The following SDC3 variants were observed in gnomAD, a reference collection of about 807,000 sequenced individuals.
SDC3 encodes the protein syndecan-3.
In SDC3, 13 loss-of-function variants were observed where a neutral mutation model predicts 24.4. The ratio of observed to expected loss-of-function variants is 0.53; its 90% CI spans 0.35 to 0.85. SDC3 has a LOEUF of 0.85. Ranked by LOEUF, SDC3 falls within the 40% of genes least tolerant of loss-of-function variation. The pLI, the probability that SDC3 is intolerant of heterozygous loss-of-function variation, is 0.01. For synonymous variants in SDC3, 295 were observed against 260.9 expected (o/e 1.13, Z -1.26); for missense variants, 571 against 584.5 (o/e 0.98, Z 0.24).
chr1:30,905,993 G>C (rs1638512888), intron 1 of SDC3, among the ~76,000 whole-genome samples: 1 of 134,666 alleles, frequency 7.4e-6, no homozygotes, highest in Non-Finnish European at 1.6e-5. Context: ...ACACACAAAG[G>C]CTGGCAGGTG....
At position 30,869,790 on chromosome 1, in the gene SDC3, G is replaced by T; in HGVS notation, c.*3421C>A. 1 of 398,688 alleles carries T rather than the reference G, an allele frequency of 2.5e-6. No individual in the cohort carries two copies. The highest frequency in any genetic ancestry group is 3.6e-5 in the East Asian group (1 of 28,064). 24.7% of individuals were successfully genotyped at this position (398,688 alleles called of 1,614,324 possible). A position where few individuals can be genotyped will look rare whatever the true frequency, so the allele number is the denominator to read the frequency against. The stretch of plus-strand genomic sequence containing the variant: ...CCCCCACCCACCCCAGGCAGGTTCT[G>T]TACAGGAGAAAGGACTCACAGGAGG... On this transcript the variant is annotated 3_prime_UTR_variant, in exon 5 of 5. Coordinates refer to ENST00000339394, the MANE Select transcript of SDC3 (RefSeq NM_014654.4).
intron 1 of SDC3, among the ~76,000 whole-genome samples, chr1:30,891,844 C>T (rs1267810452): frequency 1.4e-4 from 19 of 132,338 alleles, no homozygotes; most frequent in South Asian, 2.7e-4. Context: ...CACAGTGAGA[C>T]GCCGTCAAAA....
intron 1 of SDC3, among the ~76,000 whole-genome samples, chr1:30,892,269 G>C (rs972761277): frequency 3.3e-5 from 5 of 152,020 alleles, no homozygotes; most frequent in Non-Finnish European, 7.4e-5. Flanking sequence ...TCAGGTCTCA[G>C]CTGACCCACC....
Position 30,876,944 on chromosome 1 carries a change from A to G in SDC3, c.478T>C (p.Ser160Pro), listed in dbSNP as rs766858479. Reference protein sequence around the residue: ...EEPSQRATTVSTTMATTAATS... With the variant: ...EEPSQRATTVPTTMATTAATS... ...GCAGCAGTGGTAGCCATGGTAGTGG[A>G]GACGGTGGTGGCTCTCTGGCTGGGC... Residue 160 changes from serine (S) to proline (P), a missense_variant, in exon 3 of 5, where the codon TCC becomes CCC. By Grantham distance (74) the Ser-to-Pro change is moderately conservative. Transcript: ENST00000339394. 6.2e-6 allele frequency: 10 copies of G among 1,613,496 alleles called. No individual in the cohort carries two copies. Among genetic ancestry groups the G allele is most frequent in the South Asian group, 4.4e-5 (4 of 91,072 alleles).
chr1:30,898,122 CTG>C lies in SDC3; in HGVS notation c.138+10325_138+10326del. Among the ~76,000 whole-genome samples the C allele has an allele frequency of 3.9e-5, 6 of 152,206 alleles. No individual in the cohort carries two copies. The Middle Eastern group carries it at 0.02, about 518-fold the overall frequency. ...CAGACACCCACCAGGTACCTGGTGACTGTGTGTTAAAGGCATGAAACACACTC... is the reference window on the plus strand; with the variant it reads ...CAGACACCCACCAGGTACCTGGTGACTGTGTTAAAGGCATGAAACACACTC... On this transcript the variant is annotated intron_variant, in intron 1 of 4. Coordinates refer to ENST00000339394, the MANE Select transcript of SDC3 (RefSeq NM_014654.4).
chr1:30,875,060 C>T (rs1209897631), intron 3 of SDC3, among the ~76,000 whole-genome samples: 1 of 152,170 alleles, frequency 6.6e-6, no homozygotes, highest in Non-Finnish European at 1.5e-5. Context: ...GAGGCCAGTC[C>T]AAGAGCACAA....
intron 1 of SDC3, chr1:30,880,652 A>T (rs1029105597): frequency 2.0e-5 from 3 of 152,098 alleles, no homozygotes; most frequent in African/African-American, 7.3e-5. Flanking sequence ...ACCTGCAGGC[A>T]TGGGCGCTGG....
chr1:30,890,452 A>G (rs1639887818), intron 1 of SDC3, among the ~76,000 whole-genome samples: 2 of 152,260 alleles, frequency 1.3e-5, no homozygotes, highest in Non-Finnish European at 1.5e-5. Context: ...AAATCCATAC[A>G]GACAGAAAAT....
At chr1:30,881,966 T>C (rs6664906) in intron 1 of SDC3, among the ~76,000 whole-genome samples, 91,650 of 151,996 alleles carry the variant, frequency 0.6, 29,138 homozygotes, top group African/African-American at 0.8. Context: ...TGCCCACAGC[T>C]GTCCATGCCC....
chr1:30,907,385 G>C (rs1638543088), intron 1 of SDC3, among the ~76,000 whole-genome samples: 1 of 152,190 alleles, frequency 6.6e-6, no homozygotes, highest in Admixed American at 6.5e-5. Flanking sequence ...GGACACTCAA[G>C]GGTCACCTCA....
At chr1:30,908,404 C>T (rs1238612618) in intron 1 of SDC3, 45 bp downstream of exon 1, 2 of 994,062 alleles carry the variant, frequency 2.0e-6, no homozygotes, top group Non-Finnish European at 2.4e-6. Flanking sequence ...GCGCGGGGGG[C>T]GGCCCCGGGG....
At chr1:30,877,317 C>T in intron 2 of SDC3, 152 bp from the exon 3 acceptor site, 1 of 1,029,402 alleles carries the variant, frequency 9.7e-7, no homozygotes, top group Non-Finnish European at 1.4e-6. Context: ...AGGAGGAAGG[C>T]ACAGCCCAGC....
intron 1 of SDC3, among the ~76,000 whole-genome samples, chr1:30,881,133 G>A (rs1639737626): frequency 6.6e-6 from 1 of 151,014 alleles, no homozygotes; most frequent in Non-Finnish European, 1.5e-5. Flanking sequence ...ACACTATTAA[G>A]TGCAATGTTT....
chr1:30,895,837 GA>G (rs35411668), intron 1 of SDC3, among the ~76,000 whole-genome samples: 4,401 of 130,558 alleles, frequency 0.034, 83 homozygotes, highest in Middle Eastern at 0.14. Flanking sequence ...GCAGGGGGAG[GA>G]AGCGAGTAAG....
At chr1:30,877,421 C>T (rs1394750171) in intron 2 of SDC3, 3 of 607,194 alleles carry the variant, frequency 4.9e-6, no homozygotes, top group Non-Finnish European at 6.0e-6. Flanking sequence ...CTTGACTATT[C>T]CTGCCCACCC....
rs754049937 is a variant in SDC3 at position 30,877,092 on chromosome 1, T to C, written c.330A>G (p.Thr110=). Residue 110 remains threonine (T), a synonymous_variant, in exon 3 of 5, where the codon ACA becomes ACG. Transcript: ENST00000339394. ...TGTTCGTGGTGGGCAGCACCGCAGG[T>C]GTGGTGGACACCGCCAGGGCTACAT... ...SPDVALAVST[T]PAVLPTTNIQ... 2 of 1,613,516 alleles carry C rather than the reference T, an allele frequency of 1.2e-6. No individual in the cohort carries two copies. Among genetic ancestry groups the C allele is most frequent in the African/African-American group, 2.7e-5 (2 of 74,744 alleles).
At chr1:30,888,299 G>A (rs1570011089) in intron 1 of SDC3, among the ~76,000 whole-genome samples, 1 of 152,196 alleles carries the variant, frequency 6.6e-6, no homozygotes, top group East Asian at 1.9e-4. Flanking sequence ...AGTGGGAAGG[G>A]GCTGGAGGAG....
chr1:30,894,433 TTGAG>T (rs1308458683), intron 1 of SDC3, among the ~76,000 whole-genome samples: 2 of 62,808 alleles, frequency 3.2e-5, no homozygotes, highest in East Asian at 5.4e-4. Flanking sequence ...AGTGTGTGCA[TTGAG>T]TGTGTGGATG....
intron 1 of SDC3, among the ~76,000 whole-genome samples, chr1:30,893,284 C>A (rs906686993): frequency 1.2e-5 from 1 of 84,764 alleles, no homozygotes; most frequent in African/African-American, 4.5e-5. Context: ...ATGGTCCATA[C>A]CCACCCCACC....
Sources: gnomAD v4.1 joint callset for allele counts (sites outside exome capture counted in the v4.1 genomes callset) on GRCh38, gnomAD v4.1.1 for gene constraint, MANE v1.5 for transcripts, NCBI Gene and HGNC (gene_info 2026-07-23, HGNC 2026-07-21) for gene names.